Variants in FLT4 observed in about 807,000 individuals in gnomAD.
The protein encoded by FLT4 is fms related receptor tyrosine kinase 4, also known as vascular endothelial growth factor receptor 3.
Under a neutral mutation model 163.2 loss-of-function variants are expected in FLT4, and 30 were observed. The ratio of observed to expected loss-of-function variants is 0.18; its 90% CI spans 0.14 to 0.25. The LOEUF is 0.25. Ranked by LOEUF, FLT4 falls within the 10% of genes least tolerant of loss-of-function variation. FLT4 has a pLI of 1.00. For missense variants in FLT4, 1,510 were observed against 1,863.8 expected (o/e 0.81, Z 3.50); for synonymous variants, 884 against 789.5 (o/e 1.12, Z -2.01).
At chr5:180,611,161 G>A (rs1043779033) in intron 27 of FLT4, among the ~76,000 whole-genome samples, 170 bp downstream of exon 27, 4 of 152,112 alleles carry the variant, frequency 2.6e-5, no homozygotes, top group Non-Finnish European at 4.4e-5. Context: ...CCACACGGCC[G>A]TGGAAGGACC....
At chr5:180,621,315 G>T in intron 13 of FLT4, 63 bp from the exon 14 acceptor site, 5 of 1,561,122 alleles carry the variant, frequency 3.2e-6, no homozygotes, top group Non-Finnish European at 4.4e-6. Flanking sequence ...CCCTCTTTGG[G>T]CTGGGAGCAG....
chr5:180,615,293 G>A (rs1762567840), intron 23 of FLT4, among the ~76,000 whole-genome samples: 1 of 112,438 alleles, frequency 8.9e-6, no homozygotes, highest in South Asian at 3.0e-4. Context: ...CGGAGCACTG[G>A]GCCCCGCCGG....
rs1581595481 is a variant in FLT4, at chr5:180,602,552, C to T, written c.*640G>A. 1.3e-5 allele frequency: 5 copies of T among 399,908 alleles called. No individual in the cohort carries two copies. Among genetic ancestry groups the T allele is most frequent in the South Asian group, 1.3e-4 (1 of 7,520 alleles). 24.8% of individuals were successfully genotyped at this position (399,908 alleles called of 1,614,324 possible). On this transcript the variant is annotated 3_prime_UTR_variant, in exon 30 of 30. Transcript: ENST00000261937. The stretch of plus-strand genomic sequence containing the variant: ...CTCTCAACACCCAGGCGCAGGTGTG[C>T]GGGCTGCCTCTGTGTTGCCAGCGTA...
intron 21 of FLT4, 119 bp from the exon 22 acceptor site, chr5:180,617,113 A>G (rs1762751867): frequency 1.3e-6 from 1 of 752,732 alleles, no homozygotes; most frequent in South Asian, 1.4e-5. Flanking sequence ...ACTCTGGGAC[A>G]CCCACATCCT....
chr5:180,643,250 G>A (rs1260465371), intron 1 of FLT4, among the ~76,000 whole-genome samples: 1 of 152,194 alleles, frequency 6.6e-6, no homozygotes, highest in Non-Finnish European at 1.5e-5. Context: ...CGGTCACCAA[G>A]TGCCTCCATT....
At chr5:180,616,169 C>T (rs2127801814) in intron 23 of FLT4, among the ~76,000 whole-genome samples, 198 bp downstream of exon 23, 1 of 152,202 alleles carries the variant, frequency 6.6e-6, no homozygotes, top group East Asian at 1.9e-4. Flanking sequence ...CTTCCTTGCC[C>T]CAAGATGCCT....
rs916908907 is a variant in FLT4, at chr5:180,623,799, A to T, written c.1548+136T>A. 2 of 1,093,580 alleles carry T rather than the reference A, an allele frequency of 1.8e-6. No individual in the cohort carries two copies. Among genetic ancestry groups the T allele is most frequent in the African/African-American group, 3.1e-5 (2 of 65,084 alleles). 67.7% of individuals were successfully genotyped at this position (1,093,580 alleles called of 1,614,324 possible). On this transcript the variant is annotated intron_variant, in intron 11 of 29. Coordinates refer to ENST00000261937, the MANE Select transcript of FLT4 (RefSeq NM_182925.5). The surrounding 1 kb of genome is among the most constrained non-coding windows in gnomAD (Gnocchi z 5.8). ...CAGGCAGGGTGGCCGAGGCCTACAG[A>T]CTGCAGGAAGGTCACCCGCTCTCGG...
chr5:180,624,102 G>A lies in FLT4; in HGVS notation c.1422-41C>T, dbSNP rs375651925. 1.1e-5 allele frequency: 18 copies of A among 1,605,694 alleles called. No homozygotes were observed. The African/African-American group carries it at 1.5e-4, about 13-fold the overall frequency. On this transcript the variant is annotated intron_variant, in intron 10 of 29. Coordinates refer to ENST00000261937, the MANE Select transcript of FLT4 (RefSeq NM_182925.5). ...GAGGCAAGGGCAGGTCAGGGATACAGGCAGGAAGGGCCCACATGGGGGGCG... is the reference window on the plus strand; with the variant it reads ...GAGGCAAGGGCAGGTCAGGGATACAAGCAGGAAGGGCCCACATGGGGGGCG...
intron 12 of FLT4, 76 bp downstream of exon 12, chr5:180,622,655 C>T: frequency 1.1e-6 from 1 of 885,382 alleles, no homozygotes; most frequent in Non-Finnish European, 1.9e-6. Context: ...CCAAAGACCC[C>T]AGAAACTCAA....
chr5:180,611,272 A>G, intron 27 of FLT4, 59 bp downstream of exon 27: 1 of 1,596,314 alleles, frequency 6.3e-7, no homozygotes, highest in Non-Finnish European at 8.6e-7. Context: ...GAGGGATAAA[A>G]TGCACCTTGT....
intron 8 of FLT4, 36 bp downstream of exon 8, chr5:180,628,846 G>T (rs757907912): frequency 1.4e-6 from 2 of 1,426,798 alleles, no homozygotes; most frequent in South Asian, 1.2e-5. Flanking sequence ...ACTTGGAAGG[G>T]TATCGGCGGG....
intron 23 of FLT4, among the ~76,000 whole-genome samples, chr5:180,614,495 C>T (rs999289177): frequency 1.3e-5 from 2 of 152,198 alleles, no homozygotes; most frequent in South Asian, 2.1e-4. Flanking sequence ...AGACCTCCAG[C>T]GCAGCCTCCT....
intron 10 of FLT4, 136 bp downstream of exon 10, chr5:180,625,733 T>C (rs1003385039): frequency 1.2e-6 from 1 of 815,762 alleles, no homozygotes; most frequent in Admixed American, 2.0e-5. Context: ...GAAGGTAGGG[T>C]TCAAGTTCAG....
At chr5:180,608,426 G>A in intron 29 of FLT4, 1 of 684,448 alleles carries the variant, frequency 1.5e-6, no homozygotes, top group South Asian at 1.5e-5. Context: ...GCCACTACCG[G>A]TCTCCACGTC....
Position 180,604,565 on chromosome 5 carries a change from C to T in FLT4, c.3894-1175G>A, listed in dbSNP as rs11249738. 3.3e-3 allele frequency among the ~76,000 whole-genome samples: 496 copies of T among 152,254 alleles called. 2 individuals carry two copies. The highest frequency in any genetic ancestry group is 0.011 in the African/African-American group (473 of 41,550). On this transcript the variant is annotated intron_variant, in intron 29 of 29. Coordinates refer to ENST00000261937, the MANE Select transcript of FLT4 (RefSeq NM_182925.5). ...CCTGACACGCCCTCCAACGGCTTCCCGTCACTCCACGAAGCAAATCCAGGC... is the reference window on the plus strand; with the variant it reads ...CCTGACACGCCCTCCAACGGCTTCCTGTCACTCCACGAAGCAAATCCAGGC...
chr5:180,645,605 G>A (rs1187733817), intron 1 of FLT4, among the ~76,000 whole-genome samples: 1 of 151,620 alleles, frequency 6.6e-6, no homozygotes, highest in Non-Finnish European at 1.5e-5. Flanking sequence ...CTCACCACCT[G>A]GATCTACCCA....
rs565369813 is a variant in FLT4 at position 180,622,917 on chromosome 5, C to T, written c.1549-78G>A. 8.2e-5 allele frequency: 68 copies of T among 832,250 alleles called. No homozygotes were observed. The East Asian group carries it at 1.5e-3, about 19-fold the overall frequency. 51.6% of individuals were successfully genotyped at this position (832,250 alleles called of 1,614,324 possible). On this transcript the variant is annotated intron_variant, in intron 11 of 29. Coordinates refer to ENST00000261937, the MANE Select transcript of FLT4 (RefSeq NM_182925.5). ...GGGCCCTGTCTTTCTGCAAGGAGGT[C>T]GCTGTGCACCACCCCCCCCAATCAT...
chr5:180,602,428 G>A lies in FLT4; in HGVS notation c.*764C>T, dbSNP rs931556469. Reference sequence around the variant, plus strand: ...GTCAGAGTCATCTAGACTCAGTACAGCTGTCCCTGGGCGCCTTCCAGGCTG... The same window carrying A: ...GTCAGAGTCATCTAGACTCAGTACAACTGTCCCTGGGCGCCTTCCAGGCTG... On this transcript the variant is annotated 3_prime_UTR_variant, in exon 30 of 30. Transcript: ENST00000261937. The A allele has an allele frequency of 5.2e-6, 2 of 386,950 alleles. No individual in the cohort carries two copies. Among genetic ancestry groups the A allele is most frequent in the Non-Finnish European group, 9.1e-6 (2 of 218,964 alleles). 24.0% of individuals were successfully genotyped at this position (386,950 alleles called of 1,614,324 possible).
rs201452968 is a variant in FLT4, at chr5:180,628,861, GT to G, written c.1103+20del. ...ACTTGGAAGGGTATCGGCGGGGTCG[GT>G]GGGGAGCCAGGGCTGTTACCACTGG... On this transcript the variant is annotated intron_variant, in intron 8 of 29. Coordinates refer to ENST00000261937, the MANE Select transcript of FLT4 (RefSeq NM_182925.5). 6.5e-6 allele frequency: 10 copies of G among 1,531,732 alleles called. No individual in the cohort carries two copies. Among genetic ancestry groups the G allele is most frequent in the South Asian group, 2.3e-5 (2 of 87,848 alleles). 94.9% of individuals were successfully genotyped at this position (1,531,732 alleles called of 1,614,324 possible).
Sources: allele counts gnomAD v4.1 joint callset (sites outside exome capture counted in the v4.1 genomes callset), GRCh38; gene constraint gnomAD v4.1.1; non-coding constraint Gnocchi (gnomAD v3.1); transcripts MANE v1.5; gene names NCBI Gene and HGNC (gene_info 2026-07-23, HGNC 2026-07-21).